The following AFF3 variants were observed in gnomAD, a reference collection of about 807,000 sequenced individuals.
AFF3 encodes AF4/FMR2 family member 3.
AFF3 carries 32 observed loss-of-function variants against 129.7 expected under a neutral mutation model. The observed-to-expected ratio is 0.25, with a 90% CI of 0.19 to 0.33. The LOEUF (loss-of-function observed/expected upper bound fraction) is 0.33. Ranked by LOEUF, AFF3 falls within the 10% of genes least tolerant of loss-of-function variation. The pLI, the probability that AFF3 is intolerant of heterozygous loss-of-function variation, is 1.00. For missense variants in AFF3, 1,373 were observed against 1,592.0 expected (o/e 0.86, Z 2.34); for synonymous variants, 644 against 635.4 (o/e 1.01, Z -0.20).
intron 7 of AFF3, among the ~76,000 whole-genome samples, chr2:99,966,022 A>G (rs1281343033): frequency 1.3e-5 from 2 of 152,208 alleles, no homozygotes; most frequent in African/African-American, 4.8e-5. Flanking sequence ...ACTTTAAAGC[A>G]CTACGAAAAA....
intron 7 of AFF3, among the ~76,000 whole-genome samples, chr2:99,926,019 A>G (rs1219041935): frequency 6.6e-6 from 1 of 152,230 alleles, no homozygotes; most frequent in Non-Finnish European, 1.5e-5. Flanking sequence ...AAAGCTGCTC[A>G]CAGTTAAATG....
In AFF3 at chr2:99,545,760, A is replaced by G. The variant is rs1674058499; in HGVS notation, c.*5714T>C. Reference sequence around the variant, plus strand: ...CCCTTGATTCCCATTACTGTGAGTAAGAGCTGTGAACCTAAATCCCCTTGC... The same window carrying G: ...CCCTTGATTCCCATTACTGTGAGTAGGAGCTGTGAACCTAAATCCCCTTGC... On this transcript the variant is annotated 3_prime_UTR_variant, in exon 25 of 25. Coordinates refer to ENST00000672756, the MANE Select transcript of AFF3 (RefSeq NM_001386135.1). The G allele has an allele frequency of 5.7e-6, 1 of 175,426 alleles. No individual in the cohort carries two copies. The highest frequency in any genetic ancestry group is 9.8e-5 in the East Asian group (1 of 10,154). The allele number at this position is 175,426 out of a possible 1,614,324, so 10.9% of individuals were successfully genotyped here.
intron 12 of AFF3, among the ~76,000 whole-genome samples, chr2:99,669,965 C>T (rs1299233926): frequency 6.6e-6 from 1 of 152,168 alleles, no homozygotes; most frequent in Non-Finnish European, 1.5e-5. Context: ...CAAAATATGC[C>T]TATTGGATCT....
At chr2:99,643,016 T>C (rs1054895803) in intron 13 of AFF3, among the ~76,000 whole-genome samples, 1 of 151,892 alleles carries the variant, frequency 6.6e-6, no homozygotes, top group Non-Finnish European at 1.5e-5. Context: ...AGGTAATGGA[T>C]TTTTTAAAAG....
intron 8 of AFF3, among the ~76,000 whole-genome samples, chr2:99,814,772 AAAG>A (rs144707138): frequency 0.085 from 12,890 of 152,148 alleles, 1,819 homozygotes; most frequent in African/African-American, 0.29. Context: ...ATTACAGCCC[AAAG>A]AAGGCCCAAG....
At chr2:99,945,796 A>G (rs962555471) in intron 7 of AFF3, among the ~76,000 whole-genome samples, 19 of 152,230 alleles carry the variant, frequency 1.2e-4, no homozygotes, top group Admixed American at 3.9e-4. Flanking sequence ...AAAGTAAGCC[A>G]TGCTTATGGA....
intron 8 of AFF3, among the ~76,000 whole-genome samples, chr2:99,809,279 A>G (rs919893075): frequency 2.0e-5 from 3 of 152,224 alleles, no homozygotes; most frequent in African/African-American, 7.2e-5. Flanking sequence ...GCTGAGAAGA[A>G]GAGAAGAACA....
At chr2:100,045,677 CCTT>C (rs1051183990) in intron 4 of AFF3, among the ~76,000 whole-genome samples, 3 of 151,998 alleles carry the variant, frequency 2.0e-5, no homozygotes, top group East Asian at 1.9e-4. Context: ...CAAGCCCAAC[CCTT>C]CTTCTTCCTC....
chr2:99,687,494 TCAGC>T (rs1205473894), intron 11 of AFF3, among the ~76,000 whole-genome samples: 23 of 152,070 alleles, frequency 1.5e-4, no homozygotes, highest in African/African-American at 5.3e-4. Context: ...TTCTAAGAAC[TCAGC>T]GAGGACACTC....
intron 7 of AFF3, among the ~76,000 whole-genome samples, chr2:99,859,149 C>A (rs1558921849): frequency 1.3e-5 from 2 of 152,192 alleles, no homozygotes. Context: ...CACTTGCCCA[C>A]ATCAAAGCTA....
intron 2 of AFF3, among the ~76,000 whole-genome samples, chr2:100,119,001 A>C (rs1402371653): frequency 6.6e-6 from 1 of 152,110 alleles, no homozygotes; most frequent in East Asian, 1.9e-4. Flanking sequence ...GGGTTTCACC[A>C]TGTTGGCCAT....
chr2:99,670,694 G>A (rs910524208), intron 12 of AFF3, among the ~76,000 whole-genome samples: 1 of 152,158 alleles, frequency 6.6e-6, no homozygotes, highest in Admixed American at 6.5e-5. Context: ...ATAGGCCAAA[G>A]CAGGACAACT....
At position 99,644,605 on chromosome 2, in the gene AFF3, G is replaced by A. The variant is rs184642771; in HGVS notation, c.1184+5021C>T. 2.0e-5 allele frequency among the ~76,000 whole-genome samples: 3 copies of A among 152,322 alleles called. No homozygotes were observed. The East Asian group carries it at 5.8e-4, about 29-fold the overall frequency. On this transcript the variant is annotated intron_variant, in intron 13 of 24. Coordinates refer to ENST00000672756, the MANE Select transcript of AFF3 (RefSeq NM_001386135.1). ...GATTAACTTCTTAGTCCTGGCAATT[G>A]CCTAGTGCTCCTCTTGCCCTAGATT...
intron 13 of AFF3, among the ~76,000 whole-genome samples, chr2:99,614,549 C>T (rs1256489934): frequency 6.6e-6 from 1 of 152,206 alleles, no homozygotes; most frequent in East Asian, 1.9e-4. Context: ...CTAGTTACTT[C>T]CATAAAATGT....
chr2:99,793,747 G>A (rs1298514792), intron 8 of AFF3, among the ~76,000 whole-genome samples: 1 of 152,040 alleles, frequency 6.6e-6, no homozygotes, highest in Non-Finnish European at 1.5e-5. Context: ...TAAATTTTCA[G>A]TATCTTTGTC....
chr2:99,769,528 G>C (rs1683293642), intron 8 of AFF3, among the ~76,000 whole-genome samples: 1 of 152,166 alleles, frequency 6.6e-6, no homozygotes, highest in Non-Finnish European at 1.5e-5. Flanking sequence ...TGGTGAGGCT[G>C]TTTTCCTGGA....
At chr2:99,759,664 A>C (rs1682415828) in intron 8 of AFF3, among the ~76,000 whole-genome samples, 1 of 152,232 alleles carries the variant, frequency 6.6e-6, no homozygotes, top group Non-Finnish European at 1.5e-5. Context: ...CAGGTCTGTA[A>C]GAATTTCCAA....
At chr2:99,843,493 G>A (rs1576163691) in intron 7 of AFF3, among the ~76,000 whole-genome samples, 1 of 152,158 alleles carries the variant, frequency 6.6e-6, no homozygotes, top group South Asian at 2.1e-4. Flanking sequence ...GATATGCTAG[G>A]AAAAAGGAAG....
chr2:99,626,081 C>T (rs982931405), intron 13 of AFF3, among the ~76,000 whole-genome samples: 67 of 152,280 alleles, frequency 4.4e-4, no homozygotes, highest in African/African-American at 1.5e-3. Context: ...TGCCACCCAT[C>T]GGAAGCTGCT....
Sources: allele counts gnomAD v4.1 joint callset (sites outside exome capture counted in the v4.1 genomes callset), GRCh38; gene constraint gnomAD v4.1.1; transcripts MANE v1.5; gene names NCBI Gene and HGNC (gene_info 2026-07-23, HGNC 2026-07-21).